The following CDH13 variants were observed in gnomAD, a reference collection of about 807,000 sequenced individuals.
The protein encoded by CDH13 is cadherin 13, also known as cadherin-13.
Under a neutral mutation model 63.8 loss-of-function variants are expected in CDH13, and 24 were observed. The ratio of observed to expected loss-of-function variants is 0.38; its 90% CI spans 0.27 to 0.53. CDH13 has a LOEUF of 0.53. CDH13 is among the 20% of genes least tolerant of loss of function. The probability of loss-of-function intolerance (pLI) is 0.85; values close to 1 mark genes in which losing one functional copy is unlikely to be tolerated. For missense variants in CDH13, 1,049 were observed against 903.1 expected (o/e 1.16, Z -2.07); for synonymous variants, 503 against 355.3 (o/e 1.42, Z -4.67).
At chr16:82,813,479 G>A (rs979163133) in intron 1 of CDH13, among the ~76,000 whole-genome samples, 1 of 152,164 alleles carries the variant, frequency 6.6e-6, no homozygotes, top group Non-Finnish European at 1.5e-5. Context: ...CTCAGAAGTG[G>A]TATTAGCTGG....
At chr16:82,892,812 A>G (rs976402342) in intron 2 of CDH13, among the ~76,000 whole-genome samples, 2 of 152,122 alleles carry the variant, frequency 1.3e-5, no homozygotes, top group Non-Finnish European at 2.9e-5. Context: ...AGAAATTTGC[A>G]TCTTGTAACC....
At chr16:82,701,255 G>A (rs1567642122) in intron 1 of CDH13, among the ~76,000 whole-genome samples, 1 of 152,116 alleles carries the variant, frequency 6.6e-6, no homozygotes, top group Middle Eastern at 3.4e-3. Flanking sequence ...CTTGGGCATG[G>A]CCCTAGTTCA....
intron 5 of CDH13, among the ~76,000 whole-genome samples, chr16:83,330,184 T>C (rs1025684110): frequency 6.6e-6 from 1 of 152,058 alleles, no homozygotes; most frequent in African/African-American, 2.4e-5. Context: ...TATAACTAAA[T>C]AGACACACAC....
chr16:83,342,000 C>G (rs983020873), intron 5 of CDH13, among the ~76,000 whole-genome samples: 1 of 140,608 alleles, frequency 7.1e-6, no homozygotes, highest in African/African-American at 2.5e-5. Context: ...CACACACACA[C>G]ACACACACAC....
At chr16:82,641,004 C>T (rs1909327865) in intron 1 of CDH13, among the ~76,000 whole-genome samples, 1 of 152,088 alleles carries the variant, frequency 6.6e-6, no homozygotes, top group South Asian at 2.1e-4. Context: ...TCTCAAGGTC[C>T]ATAAGTGAGC....
chr16:83,684,466 C>T (rs1336205180), intron 10 of CDH13, among the ~76,000 whole-genome samples: 1 of 152,258 alleles, frequency 6.6e-6, no homozygotes, highest in Admixed American at 6.5e-5. Context: ...AACATGGGAA[C>T]TAACGCTTCC....
At chr16:82,987,337 T>A (rs902387864) in intron 2 of CDH13, among the ~76,000 whole-genome samples, 5 of 152,024 alleles carry the variant, frequency 3.3e-5, no homozygotes, top group African/African-American at 1.2e-4. Flanking sequence ...TTGGCATGAA[T>A]CAGCCAATTT....
At chr16:82,761,663 T>C (rs1255516763) in intron 1 of CDH13, among the ~76,000 whole-genome samples, 1 of 152,234 alleles carries the variant, frequency 6.6e-6, no homozygotes, top group Non-Finnish European at 1.5e-5. Context: ...TTCCAAAAAA[T>C]ATTTTTCACT....
chr16:82,652,489 G>A (rs930965331), intron 1 of CDH13, among the ~76,000 whole-genome samples: 1 of 152,216 alleles, frequency 6.6e-6, no homozygotes, highest in Non-Finnish European at 1.5e-5. Context: ...TGCACCAGCA[G>A]CTTTTGAAGT....
intron 2 of CDH13, among the ~76,000 whole-genome samples, chr16:82,955,471 T>C (rs964095028): frequency 4.6e-5 from 7 of 152,242 alleles, no homozygotes; most frequent in African/African-American, 1.7e-4. Context: ...ATGGGTTGCC[T>C]GGTTAACCCT....
chr16:82,796,233 C>A (rs2036576675), intron 1 of CDH13, among the ~76,000 whole-genome samples: 1 of 152,148 alleles, frequency 6.6e-6, no homozygotes, highest in Non-Finnish European at 1.5e-5. Context: ...GAAACTGGTT[C>A]TTTGCCATTA....
In CDH13 at chr16:82,784,913, A is replaced by G. The variant is rs546044030; in HGVS notation, c.46-73449A>G. Among the ~76,000 whole-genome samples, 4 of 152,340 alleles carry G rather than the reference A, an allele frequency of 2.6e-5. No individual in the cohort carries two copies. In the East Asian group the frequency reaches 7.7e-4, roughly 29 times the overall value. On this transcript the variant is annotated intron_variant, in intron 1 of 13. Coordinates refer to ENST00000567109, the MANE Select transcript of CDH13 (RefSeq NM_001257.5). Reference sequence around the variant, plus strand: ...GGGCAGCGAGGCTGATGCACATTGAAGAGGCCAGAGAGCGCCTTGAAATGA... The same window carrying G: ...GGGCAGCGAGGCTGATGCACATTGAGGAGGCCAGAGAGCGCCTTGAAATGA...
intron 8 of CDH13, among the ~76,000 whole-genome samples, chr16:83,670,516 C>G (rs926829711): frequency 2.0e-5 from 3 of 152,112 alleles, no homozygotes; most frequent in Non-Finnish European, 4.4e-5. Context: ...GGAGGCACAG[C>G]TGTTCTTTTC....
In CDH13 at chr16:83,614,638, T is replaced by C. The variant is rs62040200; in HGVS notation, c.1101+12044T>C. 8.2e-3 allele frequency among the ~76,000 whole-genome samples: 1,253 copies of C among 152,306 alleles called. 8 individuals are homozygous for C. The highest frequency in any genetic ancestry group is 0.013 in the Non-Finnish European group (887 of 68,022). Reference sequence around the variant, plus strand: ...TTCAAATAAGTGGGGGGTTTTATATTAAATCCATATCCTGGTTGTTCTAGA... The same window carrying C: ...TTCAAATAAGTGGGGGGTTTTATATCAAATCCATATCCTGGTTGTTCTAGA... On this transcript the variant is annotated intron_variant, in intron 8 of 13. Transcript: ENST00000567109.
intron 2 of CDH13, among the ~76,000 whole-genome samples, chr16:82,865,937 C>T (rs935208646): frequency 2.6e-5 from 4 of 152,140 alleles, no homozygotes; most frequent in Non-Finnish European, 4.4e-5. Flanking sequence ...CTTTTAAGAG[C>T]ACCCATGTCA....
intron 4 of CDH13, among the ~76,000 whole-genome samples, chr16:83,206,550 A>G (rs1251253577): frequency 6.6e-6 from 1 of 152,240 alleles, no homozygotes; most frequent in Non-Finnish European, 1.5e-5. Context: ...AAATGTCGAG[A>G]TACATTCATT....
At chr16:83,679,600 A>C (rs1318032286) in intron 10 of CDH13, among the ~76,000 whole-genome samples, 1 of 152,230 alleles carries the variant, frequency 6.6e-6, no homozygotes, top group African/African-American at 2.4e-5. Context: ...AAATCCTATA[A>C]TAATGTGAAT....
intron 6 of CDH13, among the ~76,000 whole-genome samples, chr16:83,367,003 A>G (rs2091269875): frequency 6.6e-6 from 1 of 152,144 alleles, no homozygotes; most frequent in Non-Finnish European, 1.5e-5. Flanking sequence ...TCACCCATTT[A>G]AAGTATATAA....
At chr16:82,651,638 G>A (rs2150908113) in intron 1 of CDH13, among the ~76,000 whole-genome samples, 1 of 152,348 alleles carries the variant, frequency 6.6e-6, no homozygotes, top group East Asian at 1.9e-4. Context: ...ACTTTACAGT[G>A]AGGAGACTGA....
Sources: gnomAD v4.1 joint callset for allele counts (sites outside exome capture counted in the v4.1 genomes callset) on GRCh38, gnomAD v4.1.1 for gene constraint, MANE v1.5 for transcripts, NCBI Gene and HGNC (gene_info 2026-07-23, HGNC 2026-07-21) for gene names.